The following PLAT variants were observed in gnomAD, a reference collection of about 807,000 sequenced individuals.
The protein encoded by PLAT is plasminogen activator, tissue type.
In PLAT, 48 loss-of-function variants were observed where a neutral mutation model predicts 74.9. The ratio of observed to expected loss-of-function variants is 0.64; its 90% CI spans 0.51 to 0.82. The LOEUF (loss-of-function observed/expected upper bound fraction) is 0.82. Ranked by LOEUF, PLAT falls within the 40% of genes least tolerant of loss-of-function variation. PLAT has a pLI of 0.00. For synonymous variants in PLAT, 307 were observed against 294.4 expected (o/e 1.04, Z -0.44); for missense variants, 673 against 736.2 (o/e 0.91, Z 0.99).
rs764319839 is a variant in PLAT, at chr8:42,178,850, A to C, written c.1530+47T>G. 3.2e-6 allele frequency: 5 copies of C among 1,563,254 alleles called. No homozygotes were observed. The East Asian group carries it at 1.1e-4, about 35-fold the overall frequency. On this transcript the variant is annotated intron_variant, in intron 13 of 13. Transcript: ENST00000220809. ...GTGAAGAACCTGTTGTCCCAGGGGC[A>C]TTCTCCCCTGGGTTGTGCCCAGCAT...
intron 2 of PLAT, among the ~76,000 whole-genome samples, chr8:42,192,716 C>T (rs1313953204): frequency 1.3e-5 from 2 of 152,130 alleles, no homozygotes; most frequent in Non-Finnish European, 2.9e-5. Flanking sequence ...ATATGAGGAA[C>T]TTGAGTATCC....
intron 3 of PLAT, among the ~76,000 whole-genome samples, chr8:42,190,919 C>G (rs986797433): frequency 6.6e-6 from 1 of 152,180 alleles, no homozygotes; most frequent in East Asian, 1.9e-4. Flanking sequence ...CCAAAGCTGC[C>G]GGTGCACTGT....
chr8:42,181,491 G>A (rs2129711343), intron 9 of PLAT, among the ~76,000 whole-genome samples: 1 of 152,258 alleles, frequency 6.6e-6, no homozygotes, highest in South Asian at 2.1e-4. Flanking sequence ...AGCGAGCTTG[G>A]GCAGGCCACC....
intron 13 of PLAT, 29 bp from the exon 14 acceptor site, chr8:42,176,180 T>G (rs1299483822): frequency 1.9e-6 from 3 of 1,587,982 alleles, no homozygotes; most frequent in Admixed American, 1.8e-5. Context: ...GTTTGGCGTT[T>G]GCAAAAAAAG....
At chr8:42,180,093 T>C (rs761126636) in intron 11 of PLAT, 27 bp from the exon 12 acceptor site, 38 of 1,596,982 alleles carry the variant, frequency 2.4e-5, no homozygotes, top group Non-Finnish European at 3.2e-5. Flanking sequence ...AGGAGTGAGC[T>C]GGCGTGAGGG....
intron 1 of PLAT, among the ~76,000 whole-genome samples, chr8:42,199,674 A>C (rs1806052840): frequency 6.6e-6 from 1 of 152,180 alleles, no homozygotes; most frequent in Non-Finnish European, 1.5e-5. Flanking sequence ...GGGTCTAGGA[A>C]AACAGAAGTC....
chr8:42,180,681 G>A lies in PLAT; in HGVS notation c.894C>T (p.Thr298=). The A allele has an allele frequency of 6.4e-7, 1 of 1,561,464 alleles. No homozygotes were observed. Among genetic ancestry groups the A allele is most frequent in the Middle Eastern group, 1.7e-4 (1 of 5,802 alleles). ...WEYCDVPSCS[T]CGLRQYSQPQ... ...GCTGGCTGTACTGTCTCAGGCCGCAGGTGGCTGGGGAGGAAAGGACGAGGA... is the reference window on the plus strand; with the variant it reads ...GCTGGCTGTACTGTCTCAGGCCGCAAGTGGCTGGGGAGGAAAGGACGAGGA... Residue 298 remains threonine (T), a synonymous_variant, in exon 10 of 14, where the codon ACC becomes ACT. Transcript: ENST00000220809.
chr8:42,195,895 C>T (rs1275505443), intron 1 of PLAT, among the ~76,000 whole-genome samples: 3 of 152,174 alleles, frequency 2.0e-5, no homozygotes, highest in East Asian at 3.8e-4. Context: ...AAACAGCAAA[C>T]GAGTGAGTAC....
In PLAT at chr8:42,188,588, G is replaced by A. The variant is rs13306823; in HGVS notation, c.253+346C>T. On this transcript the variant is annotated intron_variant, in intron 4 of 13. Transcript: ENST00000220809. Reference sequence around the variant, plus strand: ...CCTGAACTCGAAGTCTCAGTTTGAAGTCGATTTGTACTGGGCTTTTCTGTG... The same window carrying A: ...CCTGAACTCGAAGTCTCAGTTTGAAATCGATTTGTACTGGGCTTTTCTGTG... The A allele has an allele frequency of 6.4e-4, 132 of 207,868 alleles. 5 individuals are homozygous for A. In the East Asian group the frequency reaches 0.014, roughly 22 times the overall value. 12.9% of individuals were successfully genotyped at this position (207,868 alleles called of 1,614,324 possible). A position where few individuals can be genotyped will look rare whatever the true frequency, so the allele number is the denominator to read the frequency against.
At chr8:42,190,749 G>A (rs1299430534) in intron 3 of PLAT, among the ~76,000 whole-genome samples, 1 of 152,176 alleles carries the variant, frequency 6.6e-6, no homozygotes, top group Non-Finnish European at 1.5e-5. Context: ...TGGTAGTTTT[G>A]GACCTGAAGC....
At chr8:42,204,302 A>G (rs56809470) in intron 1 of PLAT, among the ~76,000 whole-genome samples, 10,516 of 152,178 alleles carry the variant, frequency 0.069, 459 homozygotes, top group African/African-American at 0.11. Context: ...TATATACAAA[A>G]GAAATGGCCC....
At chr8:42,203,992 T>TATATATAC (rs1554499838) in intron 1 of PLAT, among the ~76,000 whole-genome samples, 10 of 109,862 alleles carry the variant, frequency 9.1e-5, no homozygotes, top group African/African-American at 4.1e-4. Context: ...TATATATATA[T>TATATATAC]ACACACACAC....
chr8:42,197,253 C>T (rs180787325), intron 1 of PLAT, among the ~76,000 whole-genome samples: 1 of 152,296 alleles, frequency 6.6e-6, no homozygotes, highest in East Asian at 1.9e-4. Flanking sequence ...TATCTGTGCT[C>T]GGCCAGCCCT....
intron 8 of PLAT, 199 bp from the exon 9 acceptor site, chr8:42,182,221 T>C (rs1179363945): frequency 4.2e-6 from 2 of 471,200 alleles, no homozygotes; most frequent in African/African-American, 2.0e-5. Context: ...TTCAATCCCA[T>C]TTTCAGCCAC....
In PLAT at chr8:42,180,545, C is replaced by A. The variant is rs772414827; in HGVS notation, c.1030G>T (p.Gly344Cys). Residue 344 changes from glycine to cysteine, a missense_variant, in exon 10 of 14, where the codon GGC becomes TGC. Physicochemically the swap from Gly to Cys is radical, Grantham distance 159. Transcript: ENST00000220809. ...ATCCAGCAGGAGCTGATGAGTATGC[C>A]CCCGCACAGGAACCGCTCTCCGGGC... Reference protein sequence around the residue: ...RSPGERFLCGGILISSCWILS... With the variant: ...RSPGERFLCGCILISSCWILS... The A allele has an allele frequency of 1.2e-6, 2 of 1,614,172 alleles. No individual in the cohort carries two copies. The highest frequency in any genetic ancestry group is 1.7e-6 in the Non-Finnish European group (2 of 1,180,048).
intron 13 of PLAT, among the ~76,000 whole-genome samples, chr8:42,178,426 A>G (rs1805065088): frequency 6.6e-6 from 1 of 152,046 alleles, no homozygotes; most frequent in South Asian, 2.1e-4. Context: ...ATGTGCCACC[A>G]TGCCAGGCTA....
At chr8:42,207,360 A>G (rs1806383059) in intron 1 of PLAT, 134 bp downstream of exon 1, 1 of 152,224 alleles carries the variant, frequency 6.6e-6, no homozygotes, top group Admixed American at 6.5e-5. Flanking sequence ...AGTGGATTCT[A>G]GCGGATCCTC....
At chr8:42,177,903 C>T (rs1018272388) in intron 13 of PLAT, among the ~76,000 whole-genome samples, 1 of 152,204 alleles carries the variant, frequency 6.6e-6, no homozygotes, top group Non-Finnish European at 1.5e-5. Flanking sequence ...GGCCTCACTT[C>T]TCTTTGTATC....
chr8:42,183,054 G>C (rs187886479), intron 7 of PLAT, among the ~76,000 whole-genome samples, 164 bp from the exon 8 acceptor site: 2 of 152,300 alleles, frequency 1.3e-5, no homozygotes, highest in East Asian at 1.9e-4. Context: ...GCCCAGGCTG[G>C]AGTGCAATGC....
Sources: allele counts gnomAD v4.1 joint callset (sites outside exome capture counted in the v4.1 genomes callset), GRCh38; gene constraint gnomAD v4.1.1; transcripts MANE v1.5; gene names NCBI Gene and HGNC (gene_info 2026-07-23, HGNC 2026-07-21).